The following CLEC6A variants were observed in gnomAD, a reference collection of about 807,000 sequenced individuals.
CLEC6A encodes C-type lectin domain containing 6A.
A neutral mutation model predicts 25.7 loss-of-function variants in CLEC6A; 22 were observed. That is an observed-to-expected ratio of 0.85 (90% CI 0.61 to 1.22). The LOEUF is 1.22. CLEC6A is among the 50% of genes most tolerant of loss of function. The pLI, the probability that CLEC6A is intolerant of heterozygous loss-of-function variation, is 0.00. For missense variants in CLEC6A, 240 were observed against 236.8 expected, an observed-to-expected ratio of 1.01 and a Z score of -0.09; for synonymous variants, 92 against 76.7, an observed-to-expected ratio of 1.20 and a Z score of -1.04.
At chr12:8,465,955 T>G (rs1370464386) in intron 4 of CLEC6A, among the ~76,000 whole-genome samples, 2 of 152,230 alleles carry the variant, frequency 1.3e-5, no homozygotes, top group Non-Finnish European at 2.9e-5. Flanking sequence ...TAGTATAATA[T>G]CCACAAGATT....
At chr12:8,477,242 C>T (rs1939987517) in intron 5 of CLEC6A, 78 bp from the exon 6 acceptor site, 1 of 1,150,772 alleles carries the variant, frequency 8.7e-7, no homozygotes, top group South Asian at 1.7e-5. Context: ...CCACTTTGTT[C>T]ACCCCAGACT....
chr12:8,459,628 C>A lies in CLEC6A; in HGVS notation c.153C>A (p.Gly51=). Residue 51 remains glycine, a synonymous_variant, in exon 3 of 6, where the codon GGC becomes GGA. Transcript: ENST00000382073. ...ACCATTTTACATATGGTGAAACTGGCAAAAGGCTGTCTGAACTACACTCAT... is the reference window on the plus strand; with the variant it reads ...ACCATTTTACATATGGTGAAACTGGAAAAAGGCTGTCTGAACTACACTCAT... ...VTYHFTYGET[G]KRLSELHSYH... is the part of the protein sequence containing the mutation. 1.2e-6 allele frequency: 2 copies of A among 1,612,238 alleles called. No individual in the cohort carries two copies. The highest frequency in any genetic ancestry group is 1.1e-5 in the South Asian group (1 of 91,034).
intron 3 of CLEC6A, among the ~76,000 whole-genome samples, chr12:8,464,601 G>A (rs1939806530): frequency 6.6e-6 from 1 of 151,884 alleles, no homozygotes; most frequent in Non-Finnish European, 1.5e-5. Context: ...CAAAGTGCTG[G>A]GATTACAGGC....
chr12:8,462,285 G>A (rs886319270), intron 3 of CLEC6A, among the ~76,000 whole-genome samples: 6 of 146,818 alleles, frequency 4.1e-5, no homozygotes, highest in East Asian at 2.0e-4. Flanking sequence ...TTCTCCCCAT[G>A]TGATAGTCTG....
chr12:8,476,139 G>A lies in CLEC6A; in HGVS notation c.384G>A (p.Gln128=). 1.2e-6 allele frequency: 2 copies of A among 1,606,332 alleles called. No individual in the cohort carries two copies. Among genetic ancestry groups the A allele is most frequent in the East Asian group, 4.5e-5 (2 of 44,804 alleles). The change falls in exon 5 of 6, where the codon CAG becomes CAA. Residue 128 remains glutamine, a synonymous_variant. Transcript: ENST00000382073. Reference sequence around the variant, plus strand: ...CCTTCATGCAGAATTTCATTGTCCAGCAGCTGAATGAGTCATTTTCTTATT... The same window carrying A: ...CCTTCATGCAGAATTTCATTGTCCAACAGCTGAATGAGTCATTTTCTTATT... ...NTEAEQNFIV[Q]QLNESFSYFL...
At chr12:8,465,690 G>C in intron 4 of CLEC6A, 61 bp downstream of exon 4, 1 of 1,454,918 alleles carries the variant, frequency 6.9e-7, no homozygotes, top group South Asian at 1.2e-5. Context: ...AAAATTTACT[G>C]TCATAACCAT....
At chr12:8,475,584 C>T (rs2136367579) in intron 4 of CLEC6A, among the ~76,000 whole-genome samples, 1 of 151,934 alleles carries the variant, frequency 6.6e-6, no homozygotes, top group Middle Eastern at 3.4e-3. Flanking sequence ...TGTCTTAGGT[C>T]AAGCAGCAGG....
chr12:8,477,588 T>C lies in CLEC6A; in HGVS notation c.*124T>C. ...GAATTTACACATAATCCTTATGTTA[T>C]AGAGGTTCACAGAAATGGAAAGATA... On this transcript the variant is annotated 3_prime_UTR_variant, in exon 6 of 6. Coordinates refer to ENST00000382073, the MANE Select transcript of CLEC6A (RefSeq NM_001007033.2). 3.0e-6 allele frequency: 2 copies of C among 671,162 alleles called. No homozygotes were observed. The highest frequency in any genetic ancestry group is 4.7e-6 in the Non-Finnish European group (2 of 429,344). 41.6% of individuals were successfully genotyped at this position (671,162 alleles called of 1,614,324 possible). A position where few individuals can be genotyped will look rare whatever the true frequency, so the allele number is the denominator to read the frequency against.
At chr12:8,475,250 G>A (rs950782391) in intron 4 of CLEC6A, among the ~76,000 whole-genome samples, 32 of 151,816 alleles carry the variant, frequency 2.1e-4, no homozygotes, top group African/African-American at 7.5e-4. Context: ...GAACCCCAAT[G>A]CAATTTCACT....
intron 3 of CLEC6A, chr12:8,460,926 G>T: frequency 1.2e-6 from 1 of 848,592 alleles, no homozygotes; most frequent in Admixed American, 1.7e-5. Context: ...CTGTTGCAGA[G>T]GAGCGAGCTG....
rs767096285 is a variant in CLEC6A at position 8,476,189 on chromosome 12, G to A, written c.434G>A (p.Gly145Asp). The part of the protein sequence containing the change: ...SYFLGLSDPQ[G>D]NNNWQWIDKT... ...TTTCTGGGGCTTTCAGACCCACAAG[G>A]TAATAATAATTGGCAATGGATTGAT... Residue 145 changes from glycine (G) to aspartate (D), a missense_variant, in exon 5 of 6, where the codon GGT (glycine) becomes GAT (aspartate). By Grantham distance (94) the Gly-to-Asp change is moderately conservative. Coordinates refer to ENST00000382073, the MANE Select transcript of CLEC6A (RefSeq NM_001007033.2). The A allele has an allele frequency of 1.2e-6, 2 of 1,610,102 alleles. No individual in the cohort carries two copies. Among genetic ancestry groups the A allele is most frequent in the East Asian group, 2.2e-5 (1 of 44,844 alleles).
intron 3 of CLEC6A, among the ~76,000 whole-genome samples, chr12:8,464,064 T>C (rs1210050642): frequency 6.6e-6 from 1 of 152,192 alleles, no homozygotes; most frequent in Non-Finnish European, 1.5e-5. Context: ...ATGAGCAGAA[T>C]GCACAATGAA....
intron 4 of CLEC6A, 43 bp from the exon 5 acceptor site, chr12:8,476,082 G>A: frequency 7.7e-7 from 1 of 1,302,498 alleles, no homozygotes; most frequent in Non-Finnish European, 1.1e-6. Context: ...TGTTCAATCT[G>A]GAAATACCAA....
intron 3 of CLEC6A, among the ~76,000 whole-genome samples, chr12:8,461,578 AG>A (rs1939753766): frequency 6.6e-6 from 1 of 152,236 alleles, no homozygotes. Flanking sequence ...GTTACAGAAA[AG>A]CTTATGTGAT....
chr12:8,474,312 T>C (rs2136366636), intron 4 of CLEC6A, among the ~76,000 whole-genome samples: 1 of 152,286 alleles, frequency 6.6e-6, no homozygotes, highest in South Asian at 2.1e-4. Flanking sequence ...TCCAGCACCA[T>C]TTATTGAATA....
In CLEC6A at chr12:8,476,477, T is replaced by C. The variant is rs189617098; in HGVS notation, c.485+237T>C. On this transcript the variant is annotated intron_variant, in intron 5 of 5. Coordinates refer to ENST00000382073, the MANE Select transcript of CLEC6A (RefSeq NM_001007033.2). ...TCAATAAACTAATAAGATGAGAAAC[T>C]GGATGTCAACTCCATGTCTATCTGA... Among the ~76,000 whole-genome samples the C allele has an allele frequency of 1.2e-4, 18 of 152,228 alleles. No homozygotes were observed. The East Asian group carries it at 3.3e-3, about 28-fold the overall frequency.
chr12:8,473,822 T>C (rs1026999656), intron 4 of CLEC6A, among the ~76,000 whole-genome samples: 1 of 152,152 alleles, frequency 6.6e-6, no homozygotes, highest in African/African-American at 2.4e-5. Flanking sequence ...ATTTTTTTCA[T>C]GATTAGAGAT....
intron 4 of CLEC6A, among the ~76,000 whole-genome samples, chr12:8,467,854 T>C (rs1939855160): frequency 6.6e-6 from 1 of 152,204 alleles, no homozygotes; most frequent in South Asian, 2.1e-4. Context: ...TTATCAATGT[T>C]TTGTAGTTTT....
chr12:8,474,587 C>T (rs917101393), intron 4 of CLEC6A, among the ~76,000 whole-genome samples: 13 of 152,084 alleles, frequency 8.5e-5, no homozygotes, highest in African/African-American at 3.1e-4. Flanking sequence ...TAGTATGTAA[C>T]ATTTTTGGCT....
Sources: allele counts gnomAD v4.1 joint callset (sites outside exome capture counted in the v4.1 genomes callset), GRCh38; gene constraint gnomAD v4.1.1; transcripts MANE v1.5; gene names NCBI Gene and HGNC (gene_info 2026-07-23, HGNC 2026-07-21).